Variants in MYO1E observed in about 807,000 individuals in gnomAD.
MYO1E encodes unconventional myosin-Ie.
Under a neutral mutation model 151.1 loss-of-function variants are expected in MYO1E, and 68 were observed. That is an observed-to-expected ratio of 0.45 (90% CI 0.37 to 0.55). The LOEUF (loss-of-function observed/expected upper bound fraction) is 0.55. Among genes scored for constraint, MYO1E ranks in the 20% least tolerant of loss-of-function variants. MYO1E has a pLI of 0.00. For synonymous variants in MYO1E, 601 were observed against 501.7 expected, an observed-to-expected ratio of 1.20 and a Z score of -2.64; for missense variants, 1,363 against 1,389.3, an observed-to-expected ratio of 0.98 and a Z score of 0.30.
At chr15:59,315,615 T>A (rs1008650676) in intron 1 of MYO1E, among the ~76,000 whole-genome samples, 1 of 151,858 alleles carries the variant, frequency 6.6e-6, no homozygotes, top group African/African-American at 2.4e-5. Context: ...TTACTTAACC[T>A]CTCTGTGCCT....
At chr15:59,228,522 T>C (rs1566985820) in intron 6 of MYO1E, among the ~76,000 whole-genome samples, 2 of 151,116 alleles carry the variant, frequency 1.3e-5, no homozygotes, top group Admixed American at 1.3e-4. Context: ...ATAACAATTA[T>C]TATATATATT....
rs766035189 is a variant in MYO1E at position 59,224,746 on chromosome 15, G to C, written c.720C>G (p.Leu240=). ...TGTCATCAACCTTGTATGAGCCCGA[G>C]AGGCTCAGGTAGTAATAATAGTCCA... ...TSMDYYYYLS[L]SGSYKVDDID... Residue 240 remains leucine (L), a synonymous_variant, in exon 8 of 28, where the codon CTC becomes CTG. Coordinates refer to ENST00000288235, the MANE Select transcript of MYO1E (RefSeq NM_004998.4). 6.2e-7 allele frequency: 1 copy of C among 1,614,176 alleles called. No homozygotes were observed. The highest frequency in any genetic ancestry group is 2.2e-5 in the East Asian group (1 of 44,880).
rs1220334935 is a variant in MYO1E, at chr15:59,136,591, T to A, written c.*789A>T. On this transcript the variant is annotated 3_prime_UTR_variant, in exon 28 of 28. Coordinates refer to ENST00000288235, the MANE Select transcript of MYO1E (RefSeq NM_004998.4). ...ACTACTTAGTACATTCATACATGTT[T>A]CTACCATCTCAAGATTTTTATATAT... The A allele has an allele frequency of 7.4e-6, 3 of 407,636 alleles. No individual in the cohort carries two copies. Among genetic ancestry groups the A allele is most frequent in the African/African-American group, 4.1e-5 (2 of 48,420 alleles). 25.3% of individuals were successfully genotyped at this position (407,636 alleles called of 1,614,324 possible).
intron 2 of MYO1E, among the ~76,000 whole-genome samples, chr15:59,268,448 C>T (rs147096685): frequency 1.2e-3 from 187 of 152,248 alleles, no homozygotes; most frequent in African/African-American, 4.3e-3. Flanking sequence ...ATAAACAGCC[C>T]TCTCTGTGTG....
At position 59,266,028 on chromosome 15, in the gene MYO1E, G is replaced by C. The variant is rs148354095; in HGVS notation, c.148-4519C>G. Among the ~76,000 whole-genome samples the C allele has an allele frequency of 3.9e-5, 6 of 152,096 alleles. No homozygotes were observed. The East Asian group carries it at 7.7e-4, about 20-fold the overall frequency. On this transcript the variant is annotated intron_variant, in intron 2 of 27. Coordinates refer to ENST00000288235, the MANE Select transcript of MYO1E (RefSeq NM_004998.4). ...GCTGTTTCTACAGAAAAACTAAGGAGAATTTAATTGATTTAAAGAAAATAA... is the reference window on the plus strand; with the variant it reads ...GCTGTTTCTACAGAAAAACTAAGGACAATTTAATTGATTTAAAGAAAATAA...
intron 17 of MYO1E, among the ~76,000 whole-genome samples, chr15:59,188,830 GT>G (rs1482959059): frequency 1.3e-5 from 2 of 152,080 alleles, no homozygotes; most frequent in South Asian, 2.1e-4. Flanking sequence ...AAAAATATTG[GT>G]TAATCAGAAG....
chr15:59,336,900 A>C (rs1366955692), intron 1 of MYO1E, among the ~76,000 whole-genome samples: 2 of 152,020 alleles, frequency 1.3e-5, no homozygotes, highest in African/African-American at 4.8e-5. Context: ...AGCTTCATCC[A>C]TGTCCCTGCA....
chr15:59,180,830 G>A (rs2079654188), intron 18 of MYO1E, among the ~76,000 whole-genome samples: 2 of 152,186 alleles, frequency 1.3e-5, no homozygotes, highest in Non-Finnish European at 2.9e-5. Flanking sequence ...TGCCTAACTG[G>A]TGCCTGTGAT....
In MYO1E at chr15:59,133,149, G is replaced by C. The variant is rs139923755; in HGVS notation, c.*4231C>G. 6.6e-6 allele frequency: 1 copy of C among 152,190 alleles called. No homozygotes were observed. The highest frequency in any genetic ancestry group is 1.5e-5 in the Non-Finnish European group (1 of 68,068). 9.4% of individuals were successfully genotyped at this position (152,190 alleles called of 1,614,324 possible). ...TAATCCCAGAATTTTGGGAGGCCAAGGCGGGAAGACTGCTTGAGCCCAGAG... is the reference window on the plus strand; with the variant it reads ...TAATCCCAGAATTTTGGGAGGCCAACGCGGGAAGACTGCTTGAGCCCAGAG... On this transcript the variant is annotated 3_prime_UTR_variant, in exon 28 of 28. Coordinates refer to ENST00000288235, the MANE Select transcript of MYO1E (RefSeq NM_004998.4).
Position 59,225,650 on chromosome 15 carries a change from CTTTT to C in MYO1E, c.643-831_643-828del, listed in dbSNP as rs113019199. The stretch of plus-strand genomic sequence containing the variant: ...AATTTCTTTTTCTTTCTTTTCTTTT[CTTTT>C]TTTTTTTTTTGAGACGGAGTCTCAC... On this transcript the variant is annotated intron_variant, in intron 7 of 27. Transcript: ENST00000288235. Among the ~76,000 whole-genome samples, 14 of 139,290 alleles carry C rather than the reference CTTTT, an allele frequency of 1.0e-4. No homozygotes were observed. In the East Asian group the frequency reaches 2.7e-3, roughly 27 times the overall value. 91.4% of individuals were successfully genotyped at this position (139,290 alleles called of 152,430 possible).
intron 1 of MYO1E, among the ~76,000 whole-genome samples, chr15:59,340,892 C>A (rs1402694532): frequency 6.6e-6 from 1 of 151,370 alleles, no homozygotes; most frequent in Non-Finnish European, 1.5e-5. Context: ...CGTGGTGGCA[C>A]ACACCTGTAA....
rs1351347735 is a variant in MYO1E at position 59,277,190 on chromosome 15, T to G, written c.4-4741A>C. Among the ~76,000 whole-genome samples, 3 of 152,178 alleles carry G rather than the reference T, an allele frequency of 2.0e-5. No individual in the cohort carries two copies. In the East Asian group the frequency reaches 5.8e-4, roughly 29 times the overall value. On this transcript the variant is annotated intron_variant, in intron 1 of 27. Transcript: ENST00000288235. ...TGCACAGTATTTTTAGGTAGCAATTTAGAAATCGGTATTGAAATTTTAGAC... is the reference window on the plus strand; with the variant it reads ...TGCACAGTATTTTTAGGTAGCAATTGAGAAATCGGTATTGAAATTTTAGAC...
chr15:59,332,023 T>G (rs542728179), intron 1 of MYO1E, among the ~76,000 whole-genome samples: 1 of 152,242 alleles, frequency 6.6e-6, no homozygotes, highest in Non-Finnish European at 1.5e-5. Context: ...GCCTGAAATC[T>G]AGGTTCTAGA....
chr15:59,147,595 T>TAA (rs1566963989), intron 26 of MYO1E, among the ~76,000 whole-genome samples: 3 of 5,970 alleles, frequency 5.0e-4, no homozygotes, highest in African/African-American at 1.3e-3. Flanking sequence ...AGACTCTGTC[T>TAA]CAAAAAAAAA....
At chr15:59,267,526 T>C (rs966267011) in intron 2 of MYO1E, among the ~76,000 whole-genome samples, 1 of 152,156 alleles carries the variant, frequency 6.6e-6, no homozygotes, top group African/African-American at 2.4e-5. Flanking sequence ...GCCCCTCCAG[T>C]GAACTGGATG....
At chr15:59,265,317 C>T (rs867244330) in intron 2 of MYO1E, among the ~76,000 whole-genome samples, 1 of 152,092 alleles carries the variant, frequency 6.6e-6, no homozygotes, top group South Asian at 2.1e-4. Context: ...ACAAAGGTAC[C>T]ACCTCCCCAC....
At chr15:59,303,819 G>C (rs989897601) in intron 1 of MYO1E, among the ~76,000 whole-genome samples, 6 of 152,076 alleles carry the variant, frequency 3.9e-5, no homozygotes, top group Admixed American at 3.3e-4. Flanking sequence ...CTACTGAGTC[G>C]GCAGTGTAGG....
At chr15:59,304,097 G>A (rs928042986) in intron 1 of MYO1E, among the ~76,000 whole-genome samples, 4 of 150,240 alleles carry the variant, frequency 2.7e-5, no homozygotes, top group Admixed American at 6.7e-5. Flanking sequence ...ATTCTCCTGC[G>A]TTAGTCTCTC....
At chr15:59,141,260 C>A (rs1166265326) in intron 26 of MYO1E, among the ~76,000 whole-genome samples, 1 of 152,154 alleles carries the variant, frequency 6.6e-6, no homozygotes, top group Non-Finnish European at 1.5e-5. Context: ...TGTGCACGCA[C>A]ACACACCAAA....
Sources: gnomAD v4.1 joint callset for allele counts (sites outside exome capture counted in the v4.1 genomes callset) on GRCh38, gnomAD v4.1.1 for gene constraint, MANE v1.5 for transcripts, NCBI Gene and HGNC (gene_info 2026-07-23, HGNC 2026-07-21) for gene names.